WDFY3: variants seen among roughly 807,000 people sequenced by gnomAD.
WDFY3 encodes the protein WD repeat and FYVE domain containing 3, also known as WD repeat and FYVE domain-containing protein 3.
WDFY3 carries 66 observed loss-of-function variants against 409.6 expected under a neutral mutation model. That is an observed-to-expected ratio of 0.16 (90% CI 0.13 to 0.20). The LOEUF (loss-of-function observed/expected upper bound fraction) is 0.20. WDFY3 is among the 10% of genes least tolerant of loss of function. WDFY3 has a pLI of 1.00. For synonymous variants in WDFY3, 1,521 were observed against 1,537.1 expected (o/e 0.99, Z 0.25); for missense variants, 3,031 against 4,298.1 (o/e 0.71, Z 8.24).
rs575716072 is a variant in WDFY3 at position 84,916,278 on chromosome 4, T to C, written c.-132+15992A>G. Among the ~76,000 whole-genome samples the C allele has an allele frequency of 5.9e-5, 9 of 152,322 alleles. No individual in the cohort carries two copies. In the East Asian group the frequency reaches 1.7e-3, roughly 29 times the overall value. On this transcript the variant is annotated intron_variant, in intron 2 of 67. Transcript: ENST00000295888. Reference sequence around the variant, plus strand: ...AGAAAAAATAATGAATACAGTTCTATGCAGCAACATCCTCCCATCATTATA... The same window carrying C: ...AGAAAAAATAATGAATACAGTTCTACGCAGCAACATCCTCCCATCATTATA...
intron 21 of WDFY3, among the ~76,000 whole-genome samples, chr4:84,790,291 C>T (rs979003666): frequency 6.6e-5 from 10 of 151,966 alleles, no homozygotes; most frequent in African/African-American, 2.4e-4. Flanking sequence ...CAAGAGTTTG[C>T]AGTGCTGAGA....
rs1439727643 is a variant in WDFY3, at chr4:84,796,648, C to T, written c.3040G>A (p.Gly1014Arg). 2 of 1,614,020 alleles carry T rather than the reference C, an allele frequency of 1.2e-6. No individual in the cohort carries two copies. The highest frequency in any genetic ancestry group is 2.7e-5 in the African/African-American group (2 of 74,922). The stretch of plus-strand genomic sequence containing the variant: ...ACCCTGGTCAGGGGTACAGTACTTC[C>T]TTCCGCAGATTTTACCAGGCTCTTG... ...ISKSLVKSAE[G>R]STVPLTRVKC... The change falls in exon 19 of 68, where the codon GGA becomes AGA. Residue 1014 changes from glycine (G) to arginine (R), a missense_variant. Transcript: ENST00000295888.
intron 3 of WDFY3, among the ~76,000 whole-genome samples, chr4:84,869,771 C>T (rs1761912260): frequency 6.6e-6 from 1 of 152,126 alleles, no homozygotes; most frequent in South Asian, 2.1e-4. Flanking sequence ...GGAACTCAGA[C>T]TCAACTACCC....
At chr4:84,755,498 TTTG>T (rs1240345886) in intron 33 of WDFY3, 98 bp from the exon 34 acceptor site, 35 of 1,395,638 alleles carry the variant, frequency 2.5e-5, no homozygotes, top group Non-Finnish European at 3.1e-5. Flanking sequence ...AAACTAGTTT[TTTG>T]TTGTTTTTAA....
intron 3 of WDFY3, among the ~76,000 whole-genome samples, chr4:84,871,894 A>T (rs974464494): frequency 1.3e-5 from 2 of 152,180 alleles, no homozygotes; most frequent in Admixed American, 1.3e-4. Context: ...TCAGCCTCCC[A>T]AAGTGCGAGG....
At chr4:84,887,436 T>C (rs978365260) in intron 3 of WDFY3, among the ~76,000 whole-genome samples, 1 of 152,176 alleles carries the variant, frequency 6.6e-6, no homozygotes, top group Admixed American at 6.6e-5. Flanking sequence ...TTTCCAAGTG[T>C]AAAACACCAG....
At chr4:84,831,950 A>ATG (rs773891551) in intron 7 of WDFY3, among the ~76,000 whole-genome samples, 1 of 152,188 alleles carries the variant, frequency 6.6e-6, no homozygotes, top group Admixed American at 6.5e-5. Context: ...AAAAGTAAAA[A>ATG]TACAACTACC....
intron 2 of WDFY3, among the ~76,000 whole-genome samples, chr4:84,922,519 A>G (rs1769420002): frequency 6.6e-6 from 1 of 152,186 alleles, no homozygotes; most frequent in South Asian, 2.1e-4. Context: ...AGAGTAAAGG[A>G]TCAAAGATCA....
intron 1 of WDFY3, among the ~76,000 whole-genome samples, chr4:84,952,373 ACT>A (rs1343757377): frequency 6.6e-6 from 1 of 152,184 alleles, no homozygotes. Flanking sequence ...ACTGAAGCAA[ACT>A]CAAAAGATTT....
intron 1 of WDFY3, among the ~76,000 whole-genome samples, chr4:84,936,162 T>C (rs1771377623): frequency 6.6e-6 from 1 of 152,198 alleles, no homozygotes; most frequent in South Asian, 2.1e-4. Context: ...CTCCCTGGCC[T>C]ATCTATGTCT....
intron 27 of WDFY3, among the ~76,000 whole-genome samples, chr4:84,777,857 A>G (rs890407813): frequency 6.6e-6 from 1 of 152,158 alleles, no homozygotes; most frequent in African/African-American, 2.4e-5. Context: ...ACTAACATGC[A>G]AAGTGCTGTA....
At chr4:84,690,793 G>C (rs1014401340) in intron 60 of WDFY3, 129 bp from the exon 61 acceptor site, 10 of 1,153,946 alleles carry the variant, frequency 8.7e-6, no homozygotes, top group Non-Finnish European at 1.2e-5. Flanking sequence ...TTCTGAGCTA[G>C]CTTTAGTTCA....
chr4:84,949,691 T>C (rs1773350105), intron 1 of WDFY3, among the ~76,000 whole-genome samples: 1 of 152,198 alleles, frequency 6.6e-6, no homozygotes, highest in South Asian at 2.1e-4. Context: ...TTATTAATAT[T>C]ACACCTTCAT....
intron 21 of WDFY3, among the ~76,000 whole-genome samples, chr4:84,792,000 TA>T (rs548225619): frequency 2.0e-5 from 3 of 152,062 alleles, no homozygotes; most frequent in Non-Finnish European, 2.9e-5. Flanking sequence ...ATACTCATTT[TA>T]AAAAAAATTA....
intron 37 of WDFY3, 58 bp from the exon 38 acceptor site, chr4:84,741,979 G>A: frequency 2.1e-6 from 3 of 1,439,772 alleles, no homozygotes; most frequent in African/African-American, 1.4e-5. Flanking sequence ...CACAGGACCA[G>A]ATCCTCAAAA....
chr4:84,829,867 C>T (rs1372620498), intron 8 of WDFY3, among the ~76,000 whole-genome samples: 1 of 128,370 alleles, frequency 7.8e-6, no homozygotes, highest in Non-Finnish European at 1.7e-5. Flanking sequence ...GACTATAGAC[C>T]AATGAGATAC....
In WDFY3 at chr4:84,826,806, A is replaced by G. The variant is rs1397192052; in HGVS notation, c.1123+9T>C. On this transcript the variant is annotated intron_variant, in intron 10 of 67. Coordinates refer to ENST00000295888, the MANE Select transcript of WDFY3 (RefSeq NM_014991.6). ...CTCAGTAGCACAGAAGGGAAAAAAC[A>G]AGACTCACCTTTGCCTGCAGGCTGA... The G allele has an allele frequency of 6.3e-7, 1 of 1,584,082 alleles. No individual in the cohort carries two copies. Among genetic ancestry groups the G allele is most frequent in the Non-Finnish European group, 8.5e-7 (1 of 1,171,160 alleles).
chr4:84,940,274 T>C (rs1287199995), intron 1 of WDFY3, among the ~76,000 whole-genome samples: 2 of 152,140 alleles, frequency 1.3e-5, no homozygotes, highest in Non-Finnish European at 2.9e-5. Context: ...TGACGGTATA[T>C]GGTTATAGTT....
At chr4:84,913,836 T>TCCC (rs1377047627) in intron 2 of WDFY3, among the ~76,000 whole-genome samples, 3 of 151,608 alleles carry the variant, frequency 2.0e-5, no homozygotes, top group Admixed American at 1.3e-4. Flanking sequence ...CTCCCTGGCC[T>TCCC]CCCCTTCCCT....
Sources: allele counts gnomAD v4.1 joint callset (sites outside exome capture counted in the v4.1 genomes callset), GRCh38; gene constraint gnomAD v4.1.1; transcripts MANE v1.5; gene names NCBI Gene and HGNC (gene_info 2026-07-23, HGNC 2026-07-21).